The following DAZAP1 variants were observed in gnomAD, a reference collection of about 807,000 sequenced individuals.
The protein encoded by DAZAP1 is DAZ associated protein 1, also known as DAZ-associated protein 1.
Under a neutral mutation model 60.1 loss-of-function variants are expected in DAZAP1, and 6 were observed. The ratio of observed to expected loss-of-function variants is 0.10; its 90% CI spans 0.05 to 0.20. The LOEUF (loss-of-function observed/expected upper bound fraction) is 0.20, where lower values mean the gene tolerates loss of function less well. Among genes scored for constraint, DAZAP1 ranks in the 10% least tolerant of loss-of-function variants. The probability of loss-of-function intolerance (pLI) is 1.00; values close to 1 mark genes in which losing one functional copy is unlikely to be tolerated. For missense variants in DAZAP1, 366 were observed against 560.4 expected (o/e 0.65, Z 3.50); for synonymous variants, 235 against 215.9 (o/e 1.09, Z -0.78).
At position 1,407,850 on chromosome 19, in the gene DAZAP1, G is replaced by T. The variant is rs1220701845; in HGVS notation, c.29+48G>T. 61 of 1,053,840 alleles carry T rather than the reference G, an allele frequency of 5.8e-5. No individual in the cohort carries two copies. In the South Asian group the frequency reaches 2.4e-3, roughly 42 times the overall value. 65.3% of individuals were successfully genotyped at this position (1,053,840 alleles called of 1,614,324 possible). On this transcript the variant is annotated intron_variant, in intron 1 of 11. Transcript: ENST00000233078. The stretch of plus-strand genomic sequence containing the variant: ...TGCGTCTCCGCCCCGAGCCCGGCCC[G>T]CCGCTCCCCGCCGCCCGGCCTCAGA...
In DAZAP1 at chr19:1,425,182, C is replaced by T. The variant is rs979179337; in HGVS notation, c.464-696C>T. 6.6e-6 allele frequency among the ~76,000 whole-genome samples: 1 copy of T among 152,202 alleles called. No homozygotes were observed. Among genetic ancestry groups the T allele is most frequent in the African/African-American group, 2.4e-5 (1 of 41,432 alleles). ...ACCTGTATAGAACATGCATAGATGT[C>T]TACGATATGACCTCTTCTAGGACTC... On this transcript the variant is annotated intron_variant, in intron 6 of 11. Coordinates refer to ENST00000233078, the MANE Select transcript of DAZAP1 (RefSeq NM_018959.4). The surrounding 1 kb of genome is among the most constrained non-coding windows in gnomAD (Gnocchi z 5.4).
At position 1,434,494 on chromosome 19, in the gene DAZAP1, C is replaced by A; in HGVS notation, c.1049-243C>A. On this transcript the variant is annotated intron_variant, in intron 11 of 11. Coordinates refer to ENST00000233078, the MANE Select transcript of DAZAP1 (RefSeq NM_018959.4). This position sits in a 1 kb window ranked among gnomAD's most constrained non-coding sequence, Gnocchi z 8.0. ...CAGGGAAGCGGTGAGGTTACGTGGG[C>A]CATGGAGGGCTCTGGAAGCCGCTTT... 4.1e-6 allele frequency: 2 copies of A among 490,442 alleles called. No individual in the cohort carries two copies. The highest frequency in any genetic ancestry group is 7.3e-6 in the Non-Finnish European group (2 of 275,598). 30.4% of individuals were successfully genotyped at this position (490,442 alleles called of 1,614,324 possible). A position where few individuals can be genotyped will look rare whatever the true frequency, so the allele number is the denominator to read the frequency against.
intron 1 of DAZAP1, among the ~76,000 whole-genome samples, chr19:1,414,959 T>A (rs966556933): frequency 3.9e-5 from 6 of 152,020 alleles, no homozygotes; most frequent in Non-Finnish European, 8.8e-5. Context: ...TAGCTGGGAC[T>A]ACAGGTGCCT....
intron 1 of DAZAP1, among the ~76,000 whole-genome samples, chr19:1,414,369 A>C (rs1166503931): frequency 6.6e-6 from 1 of 152,202 alleles, no homozygotes; most frequent in African/African-American, 2.4e-5. Context: ...AGACCGATGC[A>C]GTCCCCTTTA....
At position 1,432,737 on chromosome 19, in the gene DAZAP1, T is replaced by C. The variant is rs763091493; in HGVS notation, c.1048+47T>C. 5.4e-5 allele frequency: 82 copies of C among 1,529,900 alleles called. No individual in the cohort carries two copies. The highest frequency in any genetic ancestry group is 7.1e-5 in the Non-Finnish European group (80 of 1,133,900). The allele number at this position is 1,529,900 out of a possible 1,614,324, so 94.8% of individuals were successfully genotyped here. The stretch of plus-strand genomic sequence containing the variant: ...CGCGTCCCCGCTGGCCCCAGGACCC[T>C]GGGCACGGCCTGCCTTCTTCTGCTT... On this transcript the variant is annotated intron_variant, in intron 11 of 11. Coordinates refer to ENST00000233078, the MANE Select transcript of DAZAP1 (RefSeq NM_018959.4). The surrounding 1 kb of genome is among the most constrained non-coding windows in gnomAD (Gnocchi z 4.9).
chr19:1,432,945 A>G lies in DAZAP1; in HGVS notation c.1048+255A>G. 2.0e-6 allele frequency: 1 copy of G among 495,490 alleles called. No individual in the cohort carries two copies. Among genetic ancestry groups the G allele is most frequent in the South Asian group, 2.8e-5 (1 of 35,198 alleles). 30.7% of individuals were successfully genotyped at this position (495,490 alleles called of 1,614,324 possible). ...GTGCTGCAGGGCCTGCATGTGTGGG[A>G]ACCTGAGTGGCGACTGGGTCGAGGG... On this transcript the variant is annotated intron_variant, in intron 11 of 11. Coordinates refer to ENST00000233078, the MANE Select transcript of DAZAP1 (RefSeq NM_018959.4). This position sits in a 1 kb window ranked among gnomAD's most constrained non-coding sequence, Gnocchi z 4.9.
chr19:1,414,987 C>T (rs915009510), intron 1 of DAZAP1, among the ~76,000 whole-genome samples: 3 of 151,662 alleles, frequency 2.0e-5, no homozygotes, highest in South Asian at 2.1e-4. Flanking sequence ...CCTGGAGTCT[C>T]GTTACGTTGC....
rs191975994 is a variant in DAZAP1, at chr19:1,418,398, C to T, written c.237+28C>T. ...AAGTGCCCTTCCGGGAGCTCACACC[C>T]GCTCTCTGTCTCCCCTGTCCTTCCT... is the stretch of plus-strand genomic sequence containing the variant. On this transcript the variant is annotated intron_variant, in intron 3 of 11. Coordinates refer to ENST00000233078, the MANE Select transcript of DAZAP1 (RefSeq NM_018959.4). The surrounding 1 kb of genome is among the most constrained non-coding windows in gnomAD (Gnocchi z 5.7). 1.9e-3 allele frequency: 3,106 copies of T among 1,606,224 alleles called. 7 individuals are homozygous for T. Among genetic ancestry groups the T allele is most frequent in the Non-Finnish European group, 2.0e-3 (2,346 of 1,174,538 alleles).
chr19:1,418,909 C>A lies in DAZAP1; in HGVS notation c.303+178C>A, dbSNP rs763816755. ...TATCAGTGCCGTGAGTGTTTTACAG[C>A]CAAGAAAATTCTTACTAATCTATCT... On this transcript the variant is annotated intron_variant, in intron 4 of 11. Transcript: ENST00000233078. This position sits in a 1 kb window ranked among gnomAD's most constrained non-coding sequence, Gnocchi z 5.7. 3.7e-4 allele frequency among the ~76,000 whole-genome samples: 57 copies of A among 152,132 alleles called. No homozygotes were observed. Among genetic ancestry groups the A allele is most frequent in the Non-Finnish European group, 1.0e-4 (7 of 68,028 alleles).
At chr19:1,431,936 G>A (rs536742851) in intron 10 of DAZAP1, 55 of 154,042 alleles carry the variant, frequency 3.6e-4, no homozygotes, top group Middle Eastern at 6.6e-3. Flanking sequence ...GGCTCCACGT[G>A]GCCGTGGTAC....
At position 1,429,902 on chromosome 19, in the gene DAZAP1, C is replaced by T. The variant is rs2083400400; in HGVS notation, c.701-65C>T. ...AGCCCTTGACGTCCATGCTCTGCGG[C>T]TCCTTCTCTGCGTCGGACAGCTGGT... On this transcript the variant is annotated intron_variant, in intron 8 of 11. Coordinates refer to ENST00000233078, the MANE Select transcript of DAZAP1 (RefSeq NM_018959.4). 5 of 1,548,118 alleles carry T rather than the reference C, an allele frequency of 3.2e-6. No individual in the cohort carries two copies. The East Asian group carries it at 1.2e-4, about 38-fold the overall frequency.
intron 1 of DAZAP1, among the ~76,000 whole-genome samples, chr19:1,410,908 C>T (rs1015123619): frequency 3.3e-5 from 5 of 152,220 alleles, no homozygotes; most frequent in Non-Finnish European, 5.9e-5. Flanking sequence ...AGGAGAAAGC[C>T]GCCTCTGGGC....
chr19:1,412,394 C>T (rs992906769), intron 1 of DAZAP1, among the ~76,000 whole-genome samples: 2 of 152,206 alleles, frequency 1.3e-5, no homozygotes, highest in Non-Finnish European at 2.9e-5. Context: ...ACACATCAGC[C>T]GCCACTGGGC....
rs2082997218 is a variant in DAZAP1, at chr19:1,416,784, A to C, written c.30-716A>C. ...TCCAGCTCTTCTGCCCGGAGGAGAC[A>C]GCCCCAGGACGGGGGTGGCGCGGGT... is the stretch of plus-strand genomic sequence containing the variant. On this transcript the variant is annotated intron_variant, in intron 1 of 11. Transcript: ENST00000233078. The surrounding 1 kb of genome is among the most constrained non-coding windows in gnomAD (Gnocchi z 4.3). 1 of 152,604 alleles carries C rather than the reference A, an allele frequency of 6.6e-6. No homozygotes were observed. The highest frequency in any genetic ancestry group is 1.9e-4 in the East Asian group (1 of 5,206). The allele number at this position is 152,604 out of a possible 1,614,324, so 9.5% of individuals were successfully genotyped here.
chr19:1,420,394 C>T lies in DAZAP1; in HGVS notation c.304-754C>T, dbSNP rs1229084352. On this transcript the variant is annotated intron_variant, in intron 4 of 11. Transcript: ENST00000233078. ...CGCACACTCATGAAACCATCCCGAC[C>T]GTCACGGCGGCGAGCACTCACCCTC... Among the ~76,000 whole-genome samples, 9 of 145,548 alleles carry T rather than the reference C, an allele frequency of 6.2e-5. No individual in the cohort carries two copies. The East Asian group carries it at 1.0e-3, about 16-fold the overall frequency.
In DAZAP1 at chr19:1,425,458, G is replaced by A. The variant is rs1310667506; in HGVS notation, c.464-420G>A. Reference sequence around the variant, plus strand: ...GTTCACTGGCAATCTCCCCACAGGCGAGAGCCAGAATATTCAAGCACGGGC... The same window carrying A: ...GTTCACTGGCAATCTCCCCACAGGCAAGAGCCAGAATATTCAAGCACGGGC... On this transcript the variant is annotated intron_variant, in intron 6 of 11. Coordinates refer to ENST00000233078, the MANE Select transcript of DAZAP1 (RefSeq NM_018959.4). This position sits in a 1 kb window ranked among gnomAD's most constrained non-coding sequence, Gnocchi z 5.4. Among the ~76,000 whole-genome samples the A allele has an allele frequency of 6.6e-6, 1 of 152,226 alleles. No homozygotes were observed. The highest frequency in any genetic ancestry group is 1.5e-5 in the Non-Finnish European group (1 of 68,028).
At position 1,432,668 on chromosome 19, in the gene DAZAP1, A is replaced by G; in HGVS notation, c.1026A>G (p.Pro342=). The G allele has an allele frequency of 4.3e-6, 7 of 1,610,148 alleles. No homozygotes were observed. Among genetic ancestry groups the G allele is most frequent in the Non-Finnish European group, 5.9e-6 (7 of 1,178,180 alleles). ...PDMSKPPTAQ[P]DFPYGQYAGY... ...TGAGCAAGCCCCCGACAGCTCAGCCAGACTTCCCCTATGGTCAGTATGGTA... is the reference window on the plus strand; with the variant it reads ...TGAGCAAGCCCCCGACAGCTCAGCCGGACTTCCCCTATGGTCAGTATGGTA... The change falls in exon 11 of 12, where the codon CCA becomes CCG. Residue 342 remains proline (P), a synonymous_variant. Transcript: ENST00000233078. The surrounding 1 kb of genome is among the most constrained non-coding windows in gnomAD (Gnocchi z 4.9).
At position 1,422,065 on chromosome 19, in the gene DAZAP1, G is replaced by A. The variant is rs1304916640; in HGVS notation, c.415-283G>A. Among the ~76,000 whole-genome samples, 3 of 152,184 alleles carry A rather than the reference G, an allele frequency of 2.0e-5. No individual in the cohort carries two copies. The highest frequency in any genetic ancestry group is 4.4e-5 in the Non-Finnish European group (3 of 68,020). ...TCGGCGTTGTTGGCCCTTCATGTCC[G>A]TCAGCACACACGTGAGCGGGGCCAC... On this transcript the variant is annotated intron_variant, in intron 5 of 11. Coordinates refer to ENST00000233078, the MANE Select transcript of DAZAP1 (RefSeq NM_018959.4). This position sits in a 1 kb window ranked among gnomAD's most constrained non-coding sequence, Gnocchi z 4.5.
At chr19:1,431,862 C>T (rs936254086) in intron 10 of DAZAP1, among the ~76,000 whole-genome samples, 3 of 152,098 alleles carry the variant, frequency 2.0e-5, no homozygotes, top group Non-Finnish European at 4.4e-5. Flanking sequence ...GGCCCTGGGC[C>T]CTGGGGGTGT....
Sources: allele counts gnomAD v4.1 joint callset (sites outside exome capture counted in the v4.1 genomes callset), GRCh38; gene constraint gnomAD v4.1.1; non-coding constraint Gnocchi (gnomAD v3.1); transcripts MANE v1.5; gene names NCBI Gene and HGNC (gene_info 2026-07-23, HGNC 2026-07-21).